The following CEP120 variants were observed in gnomAD, a reference collection of about 807,000 sequenced individuals.
CEP120 encodes the protein centrosomal protein 120.
A neutral mutation model predicts 126.5 loss-of-function variants in CEP120; 113 were observed. The observed-to-expected ratio is 0.89, with a 90% CI of 0.77 to 1.04. The LOEUF is 1.04. CEP120 is among the 50% of genes least tolerant of loss of function. CEP120 has a pLI of 0.00. For synonymous variants in CEP120, 400 were observed against 394.3 expected, an observed-to-expected ratio of 1.01 and a Z score of -0.17; for missense variants, 1,230 against 1,155.7, an observed-to-expected ratio of 1.06 and a Z score of -0.93.
At chr5:123,398,027 T>C (rs1233579094) in intron 5 of CEP120, among the ~76,000 whole-genome samples, 2 of 152,184 alleles carry the variant, frequency 1.3e-5, no homozygotes, top group African/African-American at 4.8e-5. Flanking sequence ...GAGGCTACAG[T>C]GAGCTATGAT....
At chr5:123,348,594 A>C (rs1768990667) in intron 19 of CEP120, among the ~76,000 whole-genome samples, 1 of 152,210 alleles carries the variant, frequency 6.6e-6, no homozygotes, top group African/African-American at 2.4e-5. Context: ...TAGTTATTTA[A>C]TTCAGCTAGG....
intron 13 of CEP120, among the ~76,000 whole-genome samples, 191 bp from the exon 14 acceptor site, chr5:123,382,391 A>T (rs963503022): frequency 4.6e-5 from 7 of 151,438 alleles, no homozygotes; most frequent in East Asian, 1.9e-4. Context: ...TCACTTCAGG[A>T]AACTATAAAA....
At chr5:123,383,781 A>G (rs985111483) in intron 11 of CEP120, among the ~76,000 whole-genome samples, 3 of 152,120 alleles carry the variant, frequency 2.0e-5, no homozygotes, top group Admixed American at 6.6e-5. Context: ...TGCATGCAGC[A>G]TTTGTCATTA....
In CEP120 at chr5:123,346,259, G is replaced by C. The variant is rs1768807364; in HGVS notation, c.*260C>G. 1 of 343,456 alleles carries C rather than the reference G, an allele frequency of 2.9e-6. No individual in the cohort carries two copies. The highest frequency in any genetic ancestry group is 6.7e-5 in the South Asian group (1 of 15,032). 21.3% of individuals were successfully genotyped at this position (343,456 alleles called of 1,614,324 possible). On this transcript the variant is annotated 3_prime_UTR_variant, in exon 20 of 20. Coordinates refer to ENST00000306467, the MANE Select transcript of CEP120 (RefSeq NM_001375405.1). ...TAAAAGCTGTTTTGAAAGTTAGTTA[G>C]CCATCAGATTATAAACTATGAAAAA...
In CEP120 at chr5:123,401,391, G is replaced by A. The variant is rs931843987; in HGVS notation, c.464-2107C>T. 39 of 1,480,734 alleles carry A rather than the reference G, an allele frequency of 2.6e-5. 1 individual carries two copies. The highest frequency in any genetic ancestry group is 4.2e-4 in the Middle Eastern group (2 of 4,782). The allele number at this position is 1,480,734 out of a possible 1,614,324, so 91.7% of individuals were successfully genotyped here. ...CCTTTGAGGCCCTCATTCTCAGCCT[G>A]GAGCCGGCTGATGTTCCGGTTCATC... On this transcript the variant is annotated intron_variant, in intron 4 of 19. Coordinates refer to ENST00000306467, the MANE Select transcript of CEP120 (RefSeq NM_001375405.1).
At position 123,373,855 on chromosome 5, in the gene CEP120, C is replaced by T. The variant is rs533290575; in HGVS notation, c.2359-1083G>A. Among the ~76,000 whole-genome samples the T allele has an allele frequency of 2.0e-5, 3 of 152,202 alleles. No individual in the cohort carries two copies. In the East Asian group the frequency reaches 5.8e-4, roughly 29 times the overall value. On this transcript the variant is annotated intron_variant, in intron 16 of 19. Coordinates refer to ENST00000306467, the MANE Select transcript of CEP120 (RefSeq NM_001375405.1). ...CCAGCCCCCAGCAGCAGTGGTCAAC[C>T]TCTGCTGATTCTGCTCCAGATCTTG... is the stretch of plus-strand genomic sequence containing the variant.
At chr5:123,391,585 A>G (rs1562057188) in intron 6 of CEP120, among the ~76,000 whole-genome samples, 1 of 136,852 alleles carries the variant, frequency 7.3e-6, no homozygotes, top group Non-Finnish European at 1.6e-5. Context: ...TCGGTATTAC[A>G]TAATCATATG....
In CEP120 at chr5:123,399,170, G is replaced by T; in HGVS notation, c.578C>A (p.Ser193Ter). 1.2e-6 allele frequency: 2 copies of T among 1,613,280 alleles called. No individual in the cohort carries two copies. The highest frequency in any genetic ancestry group is 1.7e-6 in the Non-Finnish European group (2 of 1,179,488). Residue 193 changes from serine to a stop codon, truncating the protein, a stop_gained, in exon 5 of 20, where the codon TCA becomes TAA. Transcript: ENST00000306467. LOFTEE classifies it high-confidence loss of function. ...AEYCTDSFIMSVTIAFATQLE... is the reference protein window; with the variant it reads ...AEYCTDSFIM ...CTGGGTAGCAAATGCTATGGTCACTGACATAATAAAGGAGTCAGTACAGTA... is the reference window on the plus strand; with the variant it reads ...CTGGGTAGCAAATGCTATGGTCACTTACATAATAAAGGAGTCAGTACAGTA...
intron 4 of CEP120, among the ~76,000 whole-genome samples, chr5:123,400,295 T>A (rs542061981): frequency 6.6e-6 from 1 of 152,280 alleles, no homozygotes; most frequent in Non-Finnish European, 1.5e-5. Context: ...CTCCATTTTT[T>A]TTTTTCTAGA....
chr5:123,412,655 AT>A (rs66479829), intron 3 of CEP120, 115 bp from the exon 4 acceptor site: 115 of 673,078 alleles, frequency 1.7e-4, no homozygotes, highest in South Asian at 3.1e-4. Context: ...TTTATAAACA[AT>A]TTTTTTTTCA....
chr5:123,358,266 G>A (rs1365768968), intron 18 of CEP120: 5 of 152,116 alleles, frequency 3.3e-5, no homozygotes. Context: ...GGAAAGAGAA[G>A]ACACAGTTGA....
Position 123,389,970 on chromosome 5 carries a change from T to C in CEP120, c.1209A>G (p.Glu403=). The C allele has an allele frequency of 6.2e-7, 1 of 1,614,196 alleles. No individual in the cohort carries two copies. The highest frequency in any genetic ancestry group is 1.1e-5 in the South Asian group (1 of 91,090). Residue 403 remains glutamate (E), a synonymous_variant, in exon 8 of 20, where the codon GAA becomes GAG. Coordinates refer to ENST00000306467, the MANE Select transcript of CEP120 (RefSeq NM_001375405.1). ...PPTKDDATES[E]VESLQYDKDT... is the part of the protein sequence containing the mutation. ...CCTTATCATACTGTAAACTTTCCAC[T>C]TCACTTTCTGTTGCATCATCTTTTG...
At chr5:123,398,035 G>T (rs1370872736) in intron 5 of CEP120, among the ~76,000 whole-genome samples, 1 of 152,184 alleles carries the variant, frequency 6.6e-6, no homozygotes, top group Non-Finnish European at 1.5e-5. Flanking sequence ...AGTGAGCTAT[G>T]ATCATGCCAA....
intron 3 of CEP120, among the ~76,000 whole-genome samples, chr5:123,415,151 T>TATGCAAGGA (rs1774305128): frequency 6.6e-6 from 1 of 152,150 alleles, no homozygotes; most frequent in Non-Finnish European, 1.5e-5. Flanking sequence ...CTCTGACTGC[T>TATGCAAGGA]ATGCAAGGAA....
Position 123,392,872 on chromosome 5 carries a change from G to A in CEP120, c.810+428C>T, listed in dbSNP as rs924968696. On this transcript the variant is annotated intron_variant, in intron 6 of 19. Coordinates refer to ENST00000306467, the MANE Select transcript of CEP120 (RefSeq NM_001375405.1). ...TTCATAAAAAATATTCAACTCAAGGGCAGATTTTAGAAAGCTGTCTTACCT... is the reference window on the plus strand; with the variant it reads ...TTCATAAAAAATATTCAACTCAAGGACAGATTTTAGAAAGCTGTCTTACCT... 1.1e-4 allele frequency among the ~76,000 whole-genome samples: 16 copies of A among 152,222 alleles called. No homozygotes were observed. The South Asian group carries it at 2.7e-3, about 26-fold the overall frequency.
chr5:123,402,701 C>T lies in CEP120; in HGVS notation c.464-3417G>A, dbSNP rs1022850962. Among the ~76,000 whole-genome samples the T allele has an allele frequency of 2.6e-5, 4 of 152,230 alleles. No individual in the cohort carries two copies. The East Asian group carries it at 7.7e-4, about 29-fold the overall frequency. ...GTGCTGGAACAGGCGTGAGCCACCG[C>T]ACCTGGCACTGTTCAATGTATATTG... On this transcript the variant is annotated intron_variant, in intron 4 of 19. Coordinates refer to ENST00000306467, the MANE Select transcript of CEP120 (RefSeq NM_001375405.1).
intron 3 of CEP120, among the ~76,000 whole-genome samples, chr5:123,413,743 T>C (rs1243808724): frequency 6.6e-6 from 1 of 152,210 alleles, no homozygotes; most frequent in African/African-American, 2.4e-5. Flanking sequence ...GCCAAAGCTT[T>C]AAATAAAAAT....
intron 3 of CEP120, among the ~76,000 whole-genome samples, chr5:123,415,502 G>A (rs1396900745): frequency 6.6e-6 from 1 of 152,298 alleles, no homozygotes. Context: ...ATGTCTTTTT[G>A]AGCAAGACAG....
chr5:123,390,255 C>T, intron 7 of CEP120, 115 bp from the exon 8 acceptor site: 1 of 833,734 alleles, frequency 1.2e-6, no homozygotes, highest in Middle Eastern at 2.2e-4. Context: ...TTTGGATATT[C>T]CTAGTCTATT....
Sources: allele counts gnomAD v4.1 joint callset (sites outside exome capture counted in the v4.1 genomes callset), GRCh38; gene constraint gnomAD v4.1.1; transcripts MANE v1.5; gene names NCBI Gene and HGNC (gene_info 2026-07-23, HGNC 2026-07-21).